The following SEMA4D variants were observed in gnomAD, a reference collection of about 807,000 sequenced individuals.
SEMA4D encodes semaphorin 4D, also known as semaphorin-4D.
In SEMA4D, 22 loss-of-function variants were observed where a neutral mutation model predicts 74.8. The observed-to-expected ratio is 0.29, with a 90% CI of 0.21 to 0.42. The LOEUF (loss-of-function observed/expected upper bound fraction) is 0.42. Among genes scored for constraint, SEMA4D ranks in the 10% least tolerant of loss-of-function variants. The pLI, the probability that SEMA4D is intolerant of heterozygous loss-of-function variation, is 1.00. For missense variants in SEMA4D, 937 were observed against 1,118.4 expected, an observed-to-expected ratio of 0.84 and a Z score of 2.31; for synonymous variants, 445 against 463.7, an observed-to-expected ratio of 0.96 and a Z score of 0.52.
intron 2 of SEMA4D, among the ~76,000 whole-genome samples, chr9:89,407,479 T>C (rs1308724243): frequency 1.3e-5 from 2 of 152,326 alleles, no homozygotes; most frequent in East Asian, 3.9e-4. Flanking sequence ...AATAAAATTA[T>C]TAAAATCTTT....
At chr9:89,409,277 G>A (rs184091543) in intron 2 of SEMA4D, among the ~76,000 whole-genome samples, 2 of 152,332 alleles carry the variant, frequency 1.3e-5, no homozygotes, top group East Asian at 1.9e-4. Context: ...GCTGGGGAGA[G>A]AGAGGGTTTT....
At chr9:89,401,037 G>A (rs1483917904) in intron 4 of SEMA4D, among the ~76,000 whole-genome samples, 2 of 152,176 alleles carry the variant, frequency 1.3e-5, no homozygotes, top group Non-Finnish European at 2.9e-5. Context: ...TGCTCAGAGT[G>A]CCTCACAGTG....
chr9:89,467,491 G>A (rs548095676), intron 1 of SEMA4D, among the ~76,000 whole-genome samples: 18 of 151,036 alleles, frequency 1.2e-4, no homozygotes, highest in South Asian at 4.2e-4. Context: ...TGTTTAATCC[G>A]GGGGAGTGGG....
At chr9:89,407,737 C>T (rs531564592) in intron 2 of SEMA4D, among the ~76,000 whole-genome samples, 57 of 152,348 alleles carry the variant, frequency 3.7e-4, no homozygotes, top group Non-Finnish European at 7.5e-4. Flanking sequence ...GCTCCTCATC[C>T]ACACTCCCTC....
Position 89,492,286 on chromosome 9 carries a change from G to A in SEMA4D, c.-310+5633C>T, listed in dbSNP as rs1825689102. 6.6e-6 allele frequency among the ~76,000 whole-genome samples: 1 copy of A among 152,110 alleles called. No individual in the cohort carries two copies. Among genetic ancestry groups the A allele is most frequent in the African/African-American group, 2.4e-5 (1 of 41,404 alleles). On this transcript the variant is annotated intron_variant, in intron 1 of 15. Coordinates refer to ENST00000422704, the MANE Select transcript of SEMA4D (RefSeq NM_001371194.2). The surrounding 1 kb of genome is among the most constrained non-coding windows in gnomAD (Gnocchi z 4.3). ...GCAAGCTGCATGTGGCCTCCAGGATGCCCTCAGAACCCTCTGGTTATCCCC... is the reference window on the plus strand; with the variant it reads ...GCAAGCTGCATGTGGCCTCCAGGATACCCTCAGAACCCTCTGGTTATCCCC...
chr9:89,438,911 C>T (rs1478524093), intron 2 of SEMA4D, among the ~76,000 whole-genome samples: 6 of 147,508 alleles, frequency 4.1e-5, no homozygotes, highest in African/African-American at 2.5e-5. Context: ...GTGATCCACC[C>T]GCCTCGGCCT....
rs1408563109 is a variant in SEMA4D at position 89,381,489 on chromosome 9, C to T, written c.1447-143G>A. The T allele has an allele frequency of 2.6e-6, 2 of 760,772 alleles. No individual in the cohort carries two copies. The highest frequency in any genetic ancestry group is 3.5e-5 in the African/African-American group (2 of 57,182). 47.1% of individuals were successfully genotyped at this position (760,772 alleles called of 1,614,324 possible). A position where few individuals can be genotyped will look rare whatever the true frequency, so the allele number is the denominator to read the frequency against. On this transcript the variant is annotated intron_variant, in intron 13 of 15. Transcript: ENST00000422704. This position sits in a 1 kb window ranked among gnomAD's most constrained non-coding sequence, Gnocchi z 4.6. ...AGTAAGGAGGAGAGGTACTCAGAAC[C>T]AGAGGCAAACAAGGCAGGTCTGTGA...
intron 2 of SEMA4D, among the ~76,000 whole-genome samples, chr9:89,437,713 G>A (rs2134966736): frequency 6.6e-6 from 1 of 152,342 alleles, no homozygotes; most frequent in East Asian, 1.9e-4. Context: ...GCTAAAGGAA[G>A]GTAGCAACGT....
intron 1 of SEMA4D, among the ~76,000 whole-genome samples, chr9:89,473,290 A>G (rs4242605): frequency 0.98 from 149,854 of 152,318 alleles, 73,835 homozygotes; most frequent in Non-Finnish European, 1. Flanking sequence ...AAAAAGGAGC[A>G]AAGGCTGGGC....
In SEMA4D at chr9:89,387,624, C is replaced by A. The variant is rs1167131761; in HGVS notation, c.1108-16G>T. The A allele has an allele frequency of 2.5e-6, 4 of 1,611,822 alleles. No individual in the cohort carries two copies. The South Asian group carries it at 3.3e-5, about 13-fold the overall frequency. On this transcript the variant is annotated splice_polypyrimidine_tract_variant and intron_variant, in intron 11 of 15. Coordinates refer to ENST00000422704, the MANE Select transcript of SEMA4D (RefSeq NM_001371194.2). The stretch of plus-strand genomic sequence containing the variant: ...TGTCGATGCACTGCAGGGAGAAAAT[C>A]CCCGCTGTTAACGTGCTCGTGTCCC...
At chr9:89,456,467 C>T (rs904448435) in intron 1 of SEMA4D, among the ~76,000 whole-genome samples, 13 of 152,156 alleles carry the variant, frequency 8.5e-5, no homozygotes, top group African/African-American at 3.1e-4. Context: ...AATATTCCAA[C>T]ACTTTTTAAG....
intron 5 of SEMA4D, 92 bp downstream of exon 5, chr9:89,399,179 AGGCTG>A: frequency 1.0e-6 from 1 of 1,001,272 alleles, no homozygotes; most frequent in Non-Finnish European, 1.6e-6. Flanking sequence ...CCTGGAGAAA[AGGCTG>A]GCCTGCACTG....
intron 16 of SEMA4D, chr9:89,363,976 C>CT: frequency 6.2e-7 from 1 of 1,613,964 alleles, no homozygotes; most frequent in Admixed American, 1.7e-5. Flanking sequence ...GTTTCCACCT[C>CT]TGAGTCCACA....
intron 8 of SEMA4D, 99 bp downstream of exon 8, chr9:89,392,324 G>C (rs576292372): frequency 1.1e-6 from 1 of 897,218 alleles, no homozygotes; most frequent in East Asian, 2.5e-5. Flanking sequence ...ACACAAGCTC[G>C]GGGGCCCCCA....
intron 2 of SEMA4D, among the ~76,000 whole-genome samples, chr9:89,425,797 G>A (rs1847970762): frequency 1.3e-5 from 2 of 152,354 alleles, no homozygotes; most frequent in Middle Eastern, 3.4e-3. Flanking sequence ...ACTGGGAGAG[G>A]TGAGATGCCC....
intron 13 of SEMA4D, among the ~76,000 whole-genome samples, chr9:89,383,334 T>G (rs1426638208): frequency 6.6e-6 from 1 of 152,094 alleles, no homozygotes; most frequent in Admixed American, 6.5e-5. Flanking sequence ...CGGTGGTGAC[T>G]TGGACAGAAT....
intron 1 of SEMA4D, among the ~76,000 whole-genome samples, chr9:89,493,862 G>A (rs1825810288): frequency 1.3e-5 from 2 of 152,216 alleles, no homozygotes; most frequent in South Asian, 4.1e-4. Flanking sequence ...AACCAGCAAT[G>A]GGGACCCCTC....
intron 8 of SEMA4D, 45 bp from the exon 9 acceptor site, chr9:89,391,460 G>C: frequency 6.2e-7 from 1 of 1,603,652 alleles, no homozygotes; most frequent in Non-Finnish European, 8.5e-7. Context: ...AGAGCTGGGG[G>C]ACTGCCTGCA....
chr9:89,432,950 C>T (rs1276229131), intron 2 of SEMA4D, among the ~76,000 whole-genome samples: 2 of 152,246 alleles, frequency 1.3e-5, no homozygotes, highest in Admixed American at 1.3e-4. Flanking sequence ...GAAATCTCTT[C>T]TGCAGCCAGT....
Sources: gnomAD v4.1 joint callset for allele counts (sites outside exome capture counted in the v4.1 genomes callset) on GRCh38, gnomAD v4.1.1 for gene constraint, Gnocchi (gnomAD v3.1) non-coding constraint, MANE v1.5 for transcripts, NCBI Gene and HGNC (gene_info 2026-07-23, HGNC 2026-07-21) for gene names.